The following GPN2 variants were observed in gnomAD, a reference collection of about 807,000 sequenced individuals.
GPN2 encodes the protein GPN-loop GTPase 2.
In GPN2, 27 loss-of-function variants were observed where a neutral mutation model predicts 30.1. The observed-to-expected ratio is 0.90, with a 90% CI of 0.66 to 1.24. The LOEUF (loss-of-function observed/expected upper bound fraction) is 1.24. GPN2 is among the 50% of genes most tolerant of loss of function. The pLI is 0.00. For synonymous variants in GPN2, 212 were observed against 174.4 expected (o/e 1.22, Z -1.70); for missense variants, 406 against 405.4 (o/e 1.00, Z -0.01).
At chr1:26,886,590 G>A (rs1570693764) in intron 2 of GPN2, 1 of 391,794 alleles carries the variant, frequency 2.6e-6, no homozygotes. Flanking sequence ...TTTGGGAGAT[G>A]GACGGATCAC....
Position 26,890,020 on chromosome 1 carries a change from C to CAGT in GPN2, c.74_76dup (p.Tyr25dup). 6.3e-7 allele frequency: 1 copy of CAGT among 1,598,536 alleles called. No individual in the cohort carries two copies. Among genetic ancestry groups the CAGT allele is most frequent in the South Asian group, 1.1e-5 (1 of 90,870 alleles). On this transcript the variant is annotated inframe_insertion, in exon 1 of 5. Transcript: ENST00000374135. ...GCGCAGGAACTCACTCATGCCCAGG[C>CAGT]AGTACGTGGTCTTCCCTGAGCCCGG...
rs1178955402 is a variant in GPN2 at position 26,877,198 on chromosome 1, A to C, written c.*2479T>G. On this transcript the variant is annotated 3_prime_UTR_variant, in exon 5 of 5. Transcript: ENST00000374135. ...TGTTAATAGGGGTGAGGTGCTTTGA[A>C]CTTCTCAGATGAAAGAGGCTGGGAA... 6.6e-6 allele frequency: 1 copy of C among 152,106 alleles called. No homozygotes were observed. Among genetic ancestry groups the C allele is most frequent in the African/African-American group, 2.4e-5 (1 of 41,416 alleles). The allele number at this position is 152,106 out of a possible 1,614,324, so 9.4% of individuals were successfully genotyped here.
rs2081878493 is a variant in GPN2, at chr1:26,884,146, G to A, written c.860+14C>T. On this transcript the variant is annotated intron_variant, in intron 4 of 4. Coordinates refer to ENST00000374135, the MANE Select transcript of GPN2 (RefSeq NM_018066.4). ...TCACCCTCTCTGCTATGGCCAGGAA[G>A]CTGGCAAGGATACGAAGAGAAATGG... The A allele has an allele frequency of 1.4e-5, 22 of 1,607,420 alleles. No homozygotes were observed. In the East Asian group the frequency reaches 4.9e-4, roughly 36 times the overall value.
At chr1:26,889,430 C>A (rs2081908425) in intron 1 of GPN2, among the ~76,000 whole-genome samples, 1 of 152,192 alleles carries the variant, frequency 6.6e-6, no homozygotes, top group African/African-American at 2.4e-5. Flanking sequence ...TCGACATTAA[C>A]CCCTTCCATA....
intron 4 of GPN2, among the ~76,000 whole-genome samples, chr1:26,881,303 A>G (rs2081863074): frequency 1.3e-5 from 2 of 152,188 alleles, no homozygotes; most frequent in African/African-American, 4.8e-5. Flanking sequence ...TTCTTAGAAC[A>G]CTTACGTTAG....
rs547789442 is a variant in GPN2 at position 26,879,568 on chromosome 1, G to A, written c.*109C>T. The A allele has an allele frequency of 3.0e-5, 25 of 831,666 alleles. No homozygotes were observed. The African/African-American group carries it at 3.0e-4, about 10-fold the overall frequency. The allele number at this position is 831,666 out of a possible 1,614,324, so 51.5% of individuals were successfully genotyped here. ...GAGCTGAATATCCCCTTGCCAGCCC[G>A]CCAGCTCTGGCTGGGAGGACTTGCT... is the stretch of plus-strand genomic sequence containing the variant. On this transcript the variant is annotated 3_prime_UTR_variant, in exon 5 of 5. Transcript: ENST00000374135.
At chr1:26,886,643 CCT>C (rs890046137) in intron 2 of GPN2, 5 of 341,136 alleles carry the variant, frequency 1.5e-5, no homozygotes, top group African/African-American at 6.5e-5. Flanking sequence ...ACGATGAAAC[CCT>C]GTTTCTACTA....
chr1:26,886,212 C>A lies in GPN2; in HGVS notation c.569-79G>T, dbSNP rs566648853. ...GGACGAGGTTCCTTTTTCCTTTTTT[C>A]CTTTGTGCACTCATGCACTCAAATA... On this transcript the variant is annotated intron_variant, in intron 2 of 4. Coordinates refer to ENST00000374135, the MANE Select transcript of GPN2 (RefSeq NM_018066.4). 1.0e-5 allele frequency: 9 copies of A among 900,126 alleles called. No individual in the cohort carries two copies. The South Asian group carries it at 1.4e-4, about 14-fold the overall frequency. The allele number at this position is 900,126 out of a possible 1,614,324, so 55.8% of individuals were successfully genotyped here. A position where few individuals can be genotyped will look rare whatever the true frequency, so the allele number is the denominator to read the frequency against.
chr1:26,879,373 A>C lies in GPN2; in HGVS notation c.*304T>G. On this transcript the variant is annotated 3_prime_UTR_variant, in exon 5 of 5. Coordinates refer to ENST00000374135, the MANE Select transcript of GPN2 (RefSeq NM_018066.4). The stretch of plus-strand genomic sequence containing the variant: ...AAGACTGAAGAAAAGTTTGGAAGTC[A>C]CAAAAAGTAGAAAATAAACTCTTGT... The C allele has an allele frequency of 3.0e-6, 1 of 333,790 alleles. No homozygotes were observed. The highest frequency in any genetic ancestry group is 5.6e-5 in the South Asian group (1 of 17,820). The allele number at this position is 333,790 out of a possible 1,614,324, so 20.7% of individuals were successfully genotyped here.
chr1:26,886,409 A>C, intron 2 of GPN2: 2 of 509,170 alleles, frequency 3.9e-6, no homozygotes, highest in Non-Finnish European at 7.6e-6. Flanking sequence ...CAATAACTGC[A>C]AACAGGCTGG....
intron 1 of GPN2, 35 bp from the exon 2 acceptor site, chr1:26,889,160 A>C: frequency 1.3e-6 from 2 of 1,571,142 alleles, no homozygotes; most frequent in Non-Finnish European, 1.7e-6. Context: ...AGTGGCCTGG[A>C]GAAACAGGGA....
At chr1:26,888,631 A>AC (rs1429275806) in intron 2 of GPN2, among the ~76,000 whole-genome samples, 4 of 152,216 alleles carry the variant, frequency 2.6e-5, no homozygotes, top group African/African-American at 9.6e-5. Flanking sequence ...AGATGAACTG[A>AC]CTTACCCAGA....
chr1:26,888,309 G>A (rs2081902020), intron 2 of GPN2, among the ~76,000 whole-genome samples: 1 of 152,152 alleles, frequency 6.6e-6, no homozygotes, highest in African/African-American at 2.4e-5. Context: ...TGAGAATATA[G>A]CCTCCTTCTG....
chr1:26,885,395 T>C (rs987573937), intron 3 of GPN2, among the ~76,000 whole-genome samples: 2 of 152,076 alleles, frequency 1.3e-5, no homozygotes, highest in African/African-American at 4.8e-5. Flanking sequence ...TTCTTGCTGA[T>C]GACTTTCTGA....
chr1:26,885,163 G>A (rs1426555540), intron 3 of GPN2, among the ~76,000 whole-genome samples: 1 of 152,164 alleles, frequency 6.6e-6, no homozygotes, highest in African/African-American at 2.4e-5. Flanking sequence ...ATATTATAGA[G>A]TTCATCTCCT....
In GPN2 at chr1:26,889,886, C is replaced by T; in HGVS notation, c.211G>A (p.Asp71Asn). Residue 71 changes from aspartate (D) to asparagine (N), a missense_variant, in exon 1 of 5, where the codon GAC (aspartate) becomes AAC (asparagine). Transcript: ENST00000374135. ...GELVGLGDVM[D>N]ALRLGPNGGL... ...CCGTTGGGCCCCAGGCGCAGCGCGT[C>T]CATCACGTCGCCCAGCCCCACCAGC... 8.7e-6 allele frequency: 14 copies of T among 1,611,414 alleles called. No individual in the cohort carries two copies. Among genetic ancestry groups the T allele is most frequent in the Non-Finnish European group, 1.2e-5 (14 of 1,178,716 alleles).
intron 1 of GPN2, among the ~76,000 whole-genome samples, 161 bp downstream of exon 1, chr1:26,889,525 C>T (rs1214015132): frequency 2.0e-5 from 3 of 152,214 alleles, no homozygotes; most frequent in African/African-American, 7.2e-5. Flanking sequence ...TTATCAACAC[C>T]ACACAGCCAG....
chr1:26,878,973 A>G lies in GPN2; in HGVS notation c.*704T>C, dbSNP rs1047276946. On this transcript the variant is annotated 3_prime_UTR_variant, in exon 5 of 5. Coordinates refer to ENST00000374135, the MANE Select transcript of GPN2 (RefSeq NM_018066.4). ...CAACAATAGAATAAAACCATAAAAC[A>G]AATACAGTGAATATAAAACATTAAC... 1 of 152,276 alleles carries G rather than the reference A, an allele frequency of 6.6e-6. No individual in the cohort carries two copies. Among genetic ancestry groups the G allele is most frequent in the African/African-American group, 2.4e-5 (1 of 41,468 alleles). The allele number at this position is 152,276 out of a possible 1,614,324, so 9.4% of individuals were successfully genotyped here. A position where few individuals can be genotyped will look rare whatever the true frequency, so the allele number is the denominator to read the frequency against.
Position 26,879,737 on chromosome 1 carries a change from G to A in GPN2, c.873C>T (p.Ile291=). 6.2e-7 allele frequency: 1 copy of A among 1,613,536 alleles called. No individual in the cohort carries two copies. The highest frequency in any genetic ancestry group is 1.7e-5 in the Admixed American group (1 of 59,978). Residue 291 remains isoleucine (I), a synonymous_variant, in exon 5 of 5, where the codon ATC becomes ATT. Coordinates refer to ENST00000374135, the MANE Select transcript of GPN2 (RefSeq NM_018066.4). ...ADFHFSSTLG[I]QEKYLAPSNQ... ...TCGAGGGTGCCAGGTACTTCTCCTG[G>A]ATGCCCAGTGTGCTGAGGAAGGGTG... is the stretch of plus-strand genomic sequence containing the variant.
Sources: allele counts gnomAD v4.1 joint callset (sites outside exome capture counted in the v4.1 genomes callset), GRCh38; gene constraint gnomAD v4.1.1; transcripts MANE v1.5; gene names NCBI Gene and HGNC (gene_info 2026-07-23, HGNC 2026-07-21).